Variants in CCDC150 observed in about 807,000 individuals in gnomAD.
CCDC150 encodes the protein coiled-coil domain containing 150.
CCDC150 carries 151 observed loss-of-function variants against 156.5 expected under a neutral mutation model. The ratio of observed to expected loss-of-function variants is 0.97; its 90% confidence interval spans 0.85 to 1.10. CCDC150 has a LOEUF of 1.10. Ranked by LOEUF, CCDC150 falls within the 50% of genes least tolerant of loss-of-function variation. The pLI, the probability that CCDC150 is intolerant of heterozygous loss-of-function variation, is 0.00. For synonymous variants in CCDC150, 452 were observed against 429.4 expected (o/e 1.05, Z -0.65); for missense variants, 1,312 against 1,268.1 (o/e 1.03, Z -0.53).
At chr2:196,692,932 T>G (rs886248614) in intron 13 of CCDC150, among the ~76,000 whole-genome samples, 2 of 152,208 alleles carry the variant, frequency 1.3e-5, no homozygotes, top group African/African-American at 4.8e-5. Flanking sequence ...AATCTCCCAC[T>G]GTTATTGTGT....
At chr2:196,714,410 C>T (rs1025228931) in intron 17 of CCDC150, among the ~76,000 whole-genome samples, 5 of 152,130 alleles carry the variant, frequency 3.3e-5, no homozygotes, top group African/African-American at 1.2e-4. Flanking sequence ...TGCTTGGCTC[C>T]GGGCCAATCC....
At position 196,657,113 on chromosome 2, in the gene CCDC150, C is replaced by T; in HGVS notation, c.553C>T (p.Leu185=). Residue 185 remains leucine (L), a synonymous_variant, in exon 4 of 28, where the codon CTG becomes TTG. Coordinates refer to ENST00000389175, the MANE Select transcript of CCDC150 (RefSeq NM_001080539.2). ...TGAGGTGCAAAGGTTGACTGCCACT[C>T]TGAAGATTGCCTCGCAGACAAAGGT... ...QDEVQRLTAT[L]KIASQTKKNA... 3 of 1,613,742 alleles carry T rather than the reference C, an allele frequency of 1.9e-6. No homozygotes were observed. The highest frequency in any genetic ancestry group is 2.5e-6 in the Non-Finnish European group (3 of 1,179,720).
intron 1 of CCDC150, among the ~76,000 whole-genome samples, chr2:196,645,478 G>T (rs897085276): frequency 1.3e-5 from 2 of 152,214 alleles, no homozygotes; most frequent in African/African-American, 4.8e-5. Flanking sequence ...CGCTAGAAAT[G>T]GCTAAGGCTT....
chr2:196,726,108 A>G lies in CCDC150; in HGVS notation c.2556+9A>G, dbSNP rs1255561332. On this transcript the variant is annotated intron_variant, in intron 22 of 27. Transcript: ENST00000389175. The stretch of plus-strand genomic sequence containing the variant: ...AACGGGAAGTGGCTGAGGTATAGTC[A>G]TGAGAAAAGTTTCTCTTTTGGTGAA... The G allele has an allele frequency of 1.9e-6, 3 of 1,612,200 alleles. No homozygotes were observed. Among genetic ancestry groups the G allele is most frequent in the Non-Finnish European group, 2.5e-6 (3 of 1,179,104 alleles).
chr2:196,711,565 C>T (rs752957687), intron 15 of CCDC150, among the ~76,000 whole-genome samples: 12 of 152,148 alleles, frequency 7.9e-5, no homozygotes, highest in Admixed American at 3.9e-4. Flanking sequence ...TGATTTTGTC[C>T]TCCAAAATGA....
intron 16 of CCDC150, 53 bp downstream of exon 16, chr2:196,712,305 ATTGT>A: frequency 1.0e-6 from 1 of 971,132 alleles, no homozygotes; most frequent in South Asian, 1.7e-5. Context: ...TTTTTAAGAA[ATTGT>A]TTGATGTCTT....
At chr2:196,649,521 A>T (rs1206915708) in intron 2 of CCDC150, among the ~76,000 whole-genome samples, 1 of 152,166 alleles carries the variant, frequency 6.6e-6, no homozygotes. Context: ...AGCCCAGGAG[A>T]TATAGCCTAG....
chr2:196,682,507 G>T (rs1694898592), intron 13 of CCDC150, among the ~76,000 whole-genome samples: 1 of 151,962 alleles, frequency 6.6e-6, no homozygotes, highest in Non-Finnish European at 1.5e-5. Flanking sequence ...AAAAAGAACA[G>T]CTGGAATTTT....
At chr2:196,701,854 G>T (rs1575883291) in intron 15 of CCDC150, among the ~76,000 whole-genome samples, 2 of 152,168 alleles carry the variant, frequency 1.3e-5, no homozygotes, top group Admixed American at 1.3e-4. Flanking sequence ...AATATTAATG[G>T]TAGAATTTGG....
intron 1 of CCDC150, among the ~76,000 whole-genome samples, chr2:196,642,545 C>G (rs1692290879): frequency 6.6e-6 from 1 of 152,182 alleles, no homozygotes; most frequent in Admixed American, 6.5e-5. Flanking sequence ...TTAACAGCCT[C>G]CCAGATACTC....
At chr2:196,649,710 A>C (rs574137634) in intron 2 of CCDC150, among the ~76,000 whole-genome samples, 42 of 152,252 alleles carry the variant, frequency 2.8e-4, no homozygotes, top group Admixed American at 2.4e-3. Context: ...TATTGTACAG[A>C]TCTTTCACCT....
chr2:196,662,467 C>T (rs938212295), intron 5 of CCDC150, among the ~76,000 whole-genome samples: 14 of 152,076 alleles, frequency 9.2e-5, no homozygotes, highest in African/African-American at 1.9e-4. Context: ...TCATAAGAAG[C>T]GTGCAACCTA....
At chr2:196,654,803 C>T (rs569138261) in intron 2 of CCDC150, among the ~76,000 whole-genome samples, 3 of 152,272 alleles carry the variant, frequency 2.0e-5, no homozygotes, top group South Asian at 2.1e-4. Flanking sequence ...TCTTTTAACT[C>T]GCCGTGTTGG....
At chr2:196,646,829 GACAT>G (rs1286165466) in intron 2 of CCDC150, among the ~76,000 whole-genome samples, 1 of 83,868 alleles carries the variant, frequency 1.2e-5, no homozygotes, top group Non-Finnish European at 2.9e-5. Context: ...AATAAAAAGA[GACAT>G]ATTAAGGTTA....
Position 196,656,764 on chromosome 2 carries a change from G to A in CCDC150, c.308G>A (p.Arg103Gln), listed in dbSNP as rs771332938. 7 of 1,613,724 alleles carry A rather than the reference G, an allele frequency of 4.3e-6. No individual in the cohort carries two copies. Among genetic ancestry groups the A allele is most frequent in the Non-Finnish European group, 4.2e-6 (5 of 1,179,800 alleles). ...AAGAACTGTGAGTTTCTGGTAAATC[G>A]AATGTGCCGTCTTGAAAGCCTCATG... ...LWKNCEFLVN[R>Q]MCRLESLMQS... is the part of the protein sequence containing the mutation. The change falls in exon 3 of 28, where the codon CGA becomes CAA. Residue 103 changes from arginine to glutamine, a missense_variant. Arg to Gln is a conservative substitution (Grantham distance 43). Coordinates refer to ENST00000389175, the MANE Select transcript of CCDC150 (RefSeq NM_001080539.2).
At chr2:196,651,267 G>A (rs543801007) in intron 2 of CCDC150, among the ~76,000 whole-genome samples, 87 of 152,248 alleles carry the variant, frequency 5.7e-4, no homozygotes, top group African/African-American at 2.0e-3. Context: ...AGCTATAGTT[G>A]TTTTTATTAG....
At chr2:196,732,193 G>T (rs1424252686) in intron 27 of CCDC150, 41 bp downstream of exon 27, 3 of 1,609,412 alleles carry the variant, frequency 1.9e-6, no homozygotes, top group Admixed American at 1.7e-5. Flanking sequence ...TTTTCTACTT[G>T]TTGCTTCTCA....
At chr2:196,720,266 A>G (rs1464636835) in intron 19 of CCDC150, 3 of 333,360 alleles carry the variant, frequency 9.0e-6, no homozygotes, top group South Asian at 6.5e-5. Flanking sequence ...TTTACATTAC[A>G]TATTGTTTAT....
rs1366654571 is a variant in CCDC150 at position 196,721,509 on chromosome 2, T to A, written c.2260-13T>A. 1.3e-6 allele frequency: 2 copies of A among 1,585,836 alleles called. No homozygotes were observed. Among genetic ancestry groups the A allele is most frequent in the South Asian group, 2.4e-5 (2 of 84,742 alleles). The stretch of plus-strand genomic sequence containing the variant: ...CATTACAGTGGAATTGAAAACATGC[T>A]TCTCTCTTTCAGATTGAATCTCTAC... On this transcript the variant is annotated splice_polypyrimidine_tract_variant and intron_variant, in intron 20 of 27. Transcript: ENST00000389175.
Sources: allele counts gnomAD v4.1 joint callset (sites outside exome capture counted in the v4.1 genomes callset), GRCh38; gene constraint gnomAD v4.1.1; transcripts MANE v1.5; gene names NCBI Gene and HGNC (gene_info 2026-07-23, HGNC 2026-07-21).